The following DENND11 variants were observed in gnomAD, a reference collection of about 807,000 sequenced individuals.
DENND11 encodes DENN domain containing 11.
DENND11 carries 34 observed loss-of-function variants against 49.2 expected under a neutral mutation model. That is an observed-to-expected ratio of 0.69 (90% CI 0.53 to 0.92). The LOEUF (loss-of-function observed/expected upper bound fraction) is 0.92. DENND11 is among the 40% of genes least tolerant of loss of function. DENND11 has a pLI of 0.00. For synonymous variants in DENND11, 238 were observed against 230.3 expected (o/e 1.03, Z -0.30); for missense variants, 475 against 581.6 (o/e 0.82, Z 1.88).
At position 141,664,099 on chromosome 7, in the gene DENND11, T is replaced by C. The variant is rs543870644; in HGVS notation, c.1172+73A>G. On this transcript the variant is annotated intron_variant, in intron 8 of 8. Coordinates refer to ENST00000536163, the MANE Select transcript of DENND11 (RefSeq NM_001080392.2). Reference sequence around the variant, plus strand: ...CATCCCTGGCCCGCAGTGAATGACATGGGAGGGATGCAGGTCACTCAGTGC... The same window carrying C: ...CATCCCTGGCCCGCAGTGAATGACACGGGAGGGATGCAGGTCACTCAGTGC... 4.9e-6 allele frequency: 6 copies of C among 1,227,032 alleles called. No homozygotes were observed. In the African/African-American group the frequency reaches 6.0e-5, roughly 12 times the overall value. The allele number at this position is 1,227,032 out of a possible 1,614,324, so 76.0% of individuals were successfully genotyped here. A position where few individuals can be genotyped will look rare whatever the true frequency, so the allele number is the denominator to read the frequency against.
At chr7:141,675,193 G>A (rs1376270058) in intron 3 of DENND11, among the ~76,000 whole-genome samples, 3 of 152,116 alleles carry the variant, frequency 2.0e-5, no homozygotes, top group Non-Finnish European at 4.4e-5. Context: ...TGAACGTGAC[G>A]ACAGAGACTG....
In DENND11 at chr7:141,702,144, G is replaced by C. The variant is rs1798533134; in HGVS notation, c.10C>G (p.Gln4Glu). 2.0e-6 allele frequency: 2 copies of C among 982,482 alleles called. No individual in the cohort carries two copies. Among genetic ancestry groups the C allele is most frequent in the African/African-American group, 1.8e-5 (1 of 56,726 alleles). 60.9% of individuals were successfully genotyped at this position (982,482 alleles called of 1,614,324 possible). ...CGCAGCAGCGGCGCCGCGTCTCCCT[G>C]CTCCACCATGGCTAGGCGAGGCGGA... is the stretch of plus-strand genomic sequence containing the variant. MVE[Q>E]GDAAPLLRWA... Residue 4 changes from glutamine to glutamate, a missense_variant, in exon 1 of 9, where the codon CAG becomes GAG. By Grantham distance (29) the Gln-to-Glu change is conservative. Transcript: ENST00000536163.
chr7:141,669,860 A>C (rs1415866648), intron 4 of DENND11, among the ~76,000 whole-genome samples: 1 of 124,624 alleles, frequency 8.0e-6, no homozygotes, highest in African/African-American at 3.1e-5. Context: ...CCCAGGCTGG[A>C]GTGCAGTGGC....
chr7:141,667,371 C>G (rs1797911815), intron 4 of DENND11, among the ~76,000 whole-genome samples: 1 of 152,180 alleles, frequency 6.6e-6, no homozygotes, highest in South Asian at 2.1e-4. Context: ...ACAGGGAGAT[C>G]TGGGGAAAGT....
chr7:141,694,490 G>C (rs1217893916), intron 1 of DENND11, among the ~76,000 whole-genome samples: 2 of 152,032 alleles, frequency 1.3e-5, no homozygotes, highest in Admixed American at 6.5e-5. Context: ...TGAACTCCTG[G>C]CCTCAAGAAA....
chr7:141,674,224 C>T lies in DENND11; in HGVS notation c.528-4G>A. The T allele has an allele frequency of 6.5e-7, 1 of 1,535,624 alleles. No individual in the cohort carries two copies. The highest frequency in any genetic ancestry group is 8.8e-7 in the Non-Finnish European group (1 of 1,140,100). ...TCCTGGCATCTCCAACTGGTGCCTG[C>T]AGAAAAACACACACACACACACACA... On this transcript the variant is annotated splice_region_variant and splice_polypyrimidine_tract_variant and intron_variant, in intron 3 of 8. Transcript: ENST00000536163.
At chr7:141,675,415 G>A (rs1189286642) in intron 3 of DENND11, among the ~76,000 whole-genome samples, 1 of 152,114 alleles carries the variant, frequency 6.6e-6, no homozygotes, top group East Asian at 1.9e-4. Flanking sequence ...ATGCAGCCCC[G>A]GAAAAGCCCT....
chr7:141,674,844 C>T (rs1371222803), intron 3 of DENND11, among the ~76,000 whole-genome samples: 1 of 152,312 alleles, frequency 6.6e-6, no homozygotes, highest in Admixed American at 6.5e-5. Flanking sequence ...CTGTGGCTGG[C>T]CCTGCTGGCC....
At chr7:141,696,086 A>G (rs1284555965) in intron 1 of DENND11, among the ~76,000 whole-genome samples, 1 of 152,182 alleles carries the variant, frequency 6.6e-6, no homozygotes, top group Non-Finnish European at 1.5e-5. Flanking sequence ...AGGCAAAGCC[A>G]GAAGGTCAGT....
chr7:141,676,030 G>A (rs139347416), intron 3 of DENND11, among the ~76,000 whole-genome samples: 2 of 152,174 alleles, frequency 1.3e-5, no homozygotes, highest in Non-Finnish European at 2.9e-5. Context: ...TGACTATTCT[G>A]AGAAGATGGC....
At chr7:141,688,846 C>T (rs537297399) in intron 1 of DENND11, among the ~76,000 whole-genome samples, 1 of 152,320 alleles carries the variant, frequency 6.6e-6, no homozygotes, top group Non-Finnish European at 1.5e-5. Context: ...ATAAGAGCCC[C>T]TGCTTGGGCC....
At chr7:141,671,177 T>TTTTA (rs374743362) in intron 4 of DENND11, among the ~76,000 whole-genome samples, 14 of 152,092 alleles carry the variant, frequency 9.2e-5, no homozygotes, top group Admixed American at 5.2e-4. Context: ...AAGGCACATG[T>TTTTA]TTTATTTATT....
At chr7:141,684,842 A>G (rs1202124630) in intron 3 of DENND11, among the ~76,000 whole-genome samples, 3 of 151,534 alleles carry the variant, frequency 2.0e-5, no homozygotes, top group Non-Finnish European at 4.4e-5. Flanking sequence ...TGATGAAAAA[A>G]ATGTAAAGTA....
intron 1 of DENND11, among the ~76,000 whole-genome samples, chr7:141,692,404 G>A (rs2117079388): frequency 6.6e-6 from 1 of 152,294 alleles, no homozygotes. Context: ...TTAATCAAGA[G>A]AGTAGGTATT....
In DENND11 at chr7:141,658,746, G is replaced by A. The variant is rs953074348; in HGVS notation, c.*3910C>T. 13 of 151,950 alleles carry A rather than the reference G, an allele frequency of 8.6e-5. No homozygotes were observed. Among genetic ancestry groups the A allele is most frequent in the African/African-American group, 2.2e-4 (9 of 41,310 alleles). 9.4% of individuals were successfully genotyped at this position (151,950 alleles called of 1,614,324 possible). On this transcript the variant is annotated 3_prime_UTR_variant, in exon 9 of 9. Transcript: ENST00000536163. Reference sequence around the variant, plus strand: ...TCCATTCCCTGGGCTATACAGTTTCGAAGGGAAATAAATGGTCCCTCGGGT... The same window carrying A: ...TCCATTCCCTGGGCTATACAGTTTCAAAGGGAAATAAATGGTCCCTCGGGT...
chr7:141,670,794 C>T (rs1283853274), intron 4 of DENND11, among the ~76,000 whole-genome samples: 1 of 152,188 alleles, frequency 6.6e-6, no homozygotes, highest in East Asian at 1.9e-4. Context: ...ATGTTTTCAA[C>T]TTACAATAGG....
rs1188572790 is a variant in DENND11, at chr7:141,685,056, ATATT to A, written c.527+418_527+421del. On this transcript the variant is annotated intron_variant, in intron 3 of 8. Coordinates refer to ENST00000536163, the MANE Select transcript of DENND11 (RefSeq NM_001080392.2). ...TATATATATATATATATATATATAT[ATATT>A]TTTAAGTTCTCTTTCTATTATCCCA... 4.4e-5 allele frequency among the ~76,000 whole-genome samples: 6 copies of A among 135,052 alleles called. No individual in the cohort carries two copies. The South Asian group carries it at 7.6e-4, about 17-fold the overall frequency. 88.6% of individuals were successfully genotyped at this position (135,052 alleles called of 152,430 possible). A position where few individuals can be genotyped will look rare whatever the true frequency, so the allele number is the denominator to read the frequency against.
At chr7:141,674,418 A>C (rs1197837084) in intron 3 of DENND11, among the ~76,000 whole-genome samples, 198 bp from the exon 4 acceptor site, 2 of 152,222 alleles carry the variant, frequency 1.3e-5, no homozygotes, top group Non-Finnish European at 2.9e-5. Context: ...ATCCTTAGGA[A>C]AAGTTCAAAC....
At chr7:141,662,891 G>A in intron 8 of DENND11, 40 bp from the exon 9 acceptor site, 2 of 1,431,098 alleles carry the variant, frequency 1.4e-6, no homozygotes, top group South Asian at 1.5e-5. Context: ...GAAGCGGGGG[G>A]GAATAAAAAG....
Sources: allele counts gnomAD v4.1 joint callset (sites outside exome capture counted in the v4.1 genomes callset), GRCh38; gene constraint gnomAD v4.1.1; transcripts MANE v1.5; gene names NCBI Gene and HGNC (gene_info 2026-07-23, HGNC 2026-07-21).